Variants in CRPPA observed in about 807,000 individuals in gnomAD.
The protein encoded by CRPPA is CDP-L-ribitol pyrophosphorylase A.
In CRPPA, 43 loss-of-function variants were observed where a neutral mutation model predicts 52.0. The observed-to-expected ratio is 0.83, with a 90% CI of 0.65 to 1.07. The LOEUF (loss-of-function observed/expected upper bound fraction) is 1.07, where lower values mean the gene tolerates loss of function less well. CRPPA is among the 50% of genes least tolerant of loss of function. The probability of loss-of-function intolerance (pLI) is 0.00; values close to 1 mark genes in which losing one functional copy is unlikely to be tolerated. For synonymous variants in CRPPA, 250 were observed against 203.5 expected, an observed-to-expected ratio of 1.23 and a Z score of -1.94; for missense variants, 629 against 551.7, an observed-to-expected ratio of 1.14 and a Z score of -1.40.
intron 6 of CRPPA, among the ~76,000 whole-genome samples, chr7:16,273,968 C>T (rs576077624): frequency 3.3e-5 from 5 of 152,292 alleles, no homozygotes; most frequent in South Asian, 2.1e-4. Context: ...GCCAGTCCTG[C>T]GAAGGGGCCA....
At chr7:16,313,355 GTTGC>G (rs1352802319) in intron 3 of CRPPA, among the ~76,000 whole-genome samples, 5 of 151,932 alleles carry the variant, frequency 3.3e-5, no homozygotes, top group Non-Finnish European at 7.4e-5. Flanking sequence ...TAGGCACAGA[GTTGC>G]TCATTATACT....
At chr7:16,245,010 T>C (rs1481169141) in intron 8 of CRPPA, among the ~76,000 whole-genome samples, 1 of 152,078 alleles carries the variant, frequency 6.6e-6, no homozygotes, top group Non-Finnish European at 1.5e-5. Flanking sequence ...GACCATTCTT[T>C]TCAAATTTTA....
At chr7:16,317,613 T>A (rs1482364451) in intron 3 of CRPPA, among the ~76,000 whole-genome samples, 2 of 152,162 alleles carry the variant, frequency 1.3e-5, no homozygotes, top group African/African-American at 4.8e-5. Context: ...TAAGTAACAT[T>A]CCAGTGGGTG....
intron 9 of CRPPA, among the ~76,000 whole-genome samples, chr7:16,099,030 A>G (rs964638621): frequency 2.6e-5 from 4 of 152,158 alleles, no homozygotes; most frequent in Non-Finnish European, 5.9e-5. Flanking sequence ...TTCTGTGTCT[A>G]GAAACAGGGC....
intron 3 of CRPPA, among the ~76,000 whole-genome samples, chr7:16,328,251 C>G (rs17169424): frequency 0.08 from 12,160 of 151,952 alleles, 804 homozygotes; most frequent in African/African-American, 0.18. Flanking sequence ...CTGAAAAAGT[C>G]GAGAATCTTG....
At chr7:16,305,117 TTAAAG>T (rs1443840275) in intron 4 of CRPPA, among the ~76,000 whole-genome samples, 1 of 152,000 alleles carries the variant, frequency 6.6e-6, no homozygotes, top group Non-Finnish European at 1.5e-5. Flanking sequence ...GATCACAAAA[TTAAAG>T]TAAAAGCCTA....
At chr7:16,210,526 C>A (rs1017363638) in intron 9 of CRPPA, 3 of 152,158 alleles carry the variant, frequency 2.0e-5, no homozygotes, top group African/African-American at 7.2e-5. Flanking sequence ...GGCAAGCCTC[C>A]AGCCAGGAGC....
At chr7:16,222,548 T>A (rs1460353828) in intron 8 of CRPPA, among the ~76,000 whole-genome samples, 1 of 152,130 alleles carries the variant, frequency 6.6e-6, no homozygotes, top group East Asian at 1.9e-4. Flanking sequence ...TTCAACTTAA[T>A]CGTAATTTTT....
chr7:16,275,726 G>T (rs756974137), intron 6 of CRPPA, among the ~76,000 whole-genome samples: 14 of 152,098 alleles, frequency 9.2e-5, no homozygotes, highest in Non-Finnish European at 1.9e-4. Context: ...CAGCTACTCA[G>T]GAAGATGAGA....
intron 4 of CRPPA, among the ~76,000 whole-genome samples, chr7:16,306,082 C>T (rs1398560209): frequency 6.6e-6 from 1 of 152,158 alleles, no homozygotes; most frequent in Non-Finnish European, 1.5e-5. Flanking sequence ...CATCACATGG[C>T]CTTCTCCCTG....
intron 8 of CRPPA, among the ~76,000 whole-genome samples, chr7:16,255,336 G>C (rs1479116127): frequency 6.6e-6 from 1 of 152,170 alleles, no homozygotes; most frequent in African/African-American, 2.4e-5. Context: ...TGGATAGGAA[G>C]AGTCAACATT....
chr7:16,131,246 A>G (rs892881040), intron 9 of CRPPA, among the ~76,000 whole-genome samples: 8 of 152,318 alleles, frequency 5.3e-5, no homozygotes, highest in African/African-American at 1.9e-4. Context: ...AAGAAAAAGC[A>G]TACATTGCCA....
chr7:16,242,769 T>G (rs1783155684), intron 8 of CRPPA, among the ~76,000 whole-genome samples: 1 of 152,132 alleles, frequency 6.6e-6, no homozygotes, highest in Non-Finnish European at 1.5e-5. Flanking sequence ...AGTCTCCAAT[T>G]AAAAAAAAAT....
intron 8 of CRPPA, among the ~76,000 whole-genome samples, chr7:16,219,908 A>G (rs1583440995): frequency 1.3e-5 from 2 of 148,924 alleles, no homozygotes; most frequent in South Asian, 4.4e-4. Context: ...ATTCCAATCA[A>G]CAGAAAAAGA....
chr7:16,386,813 G>C (rs370244066), intron 2 of CRPPA, among the ~76,000 whole-genome samples: 3 of 152,026 alleles, frequency 2.0e-5, no homozygotes, highest in South Asian at 2.1e-4. Context: ...TTGAGATAAG[G>C]AGTTTGAGAC....
At chr7:16,132,566 T>G (rs1251560399) in intron 9 of CRPPA, among the ~76,000 whole-genome samples, 1 of 124,816 alleles carries the variant, frequency 8.0e-6, no homozygotes, top group Non-Finnish European at 1.8e-5. Flanking sequence ...AAAAAGAGAT[T>G]GAGTAAATGA....
chr7:16,397,491 CAT>C (rs929067055), intron 2 of CRPPA, among the ~76,000 whole-genome samples: 3 of 152,098 alleles, frequency 2.0e-5, no homozygotes, highest in African/African-American at 7.3e-5. Flanking sequence ...ATAACAGAAA[CAT>C]GACTGACACA....
chr7:16,191,913 A>G (rs1429796987), intron 9 of CRPPA, among the ~76,000 whole-genome samples: 1 of 152,122 alleles, frequency 6.6e-6, no homozygotes, highest in Non-Finnish European at 1.5e-5. Flanking sequence ...TACAGAATGC[A>G]AGATGTACAA....
intron 6 of CRPPA, chr7:16,276,973 T>A (rs1464146087): frequency 6.6e-6 from 1 of 152,220 alleles, no homozygotes; most frequent in Non-Finnish European, 1.5e-5. Context: ...CTGTACTATC[T>A]AATACTGTCA....
Sources: gnomAD v4.1 joint callset for allele counts (sites outside exome capture counted in the v4.1 genomes callset) on GRCh38, gnomAD v4.1.1 for gene constraint, MANE v1.5 for transcripts, NCBI Gene and HGNC (gene_info 2026-07-23, HGNC 2026-07-21) for gene names.